The following RASEF variants were observed in gnomAD, a reference collection of about 807,000 sequenced individuals.
RASEF encodes the protein ras and EF-hand domain-containing protein.
Under a neutral mutation model 90.1 loss-of-function variants are expected in RASEF, and 68 were observed. The ratio of observed to expected loss-of-function variants is 0.75; its 90% CI spans 0.62 to 0.92. The LOEUF is 0.92. Ranked by LOEUF, RASEF falls within the 40% of genes least tolerant of loss-of-function variation. The pLI is 0.00. For missense variants in RASEF, 949 were observed against 937.2 expected (o/e 1.01, Z -0.16); for synonymous variants, 331 against 345.2 (o/e 0.96, Z 0.46).
the RASEF span, among the ~76,000 whole-genome samples, chr9:83,194,086 T>C: frequency 6.6e-6 from 1 of 152,356 alleles, no homozygotes; most frequent in East Asian, 1.9e-4. Context: ...CATCTTACAC[T>C]ACCATGGGAT....
At chr9:83,082,255 C>G in the RASEF span, among the ~76,000 whole-genome samples, 2 of 152,152 alleles carry the variant, frequency 1.3e-5, no homozygotes, top group Admixed American at 1.3e-4. Context: ...AGAGAAACAG[C>G]CTCCTTCTAA....
At chr9:83,018,271 C>T (rs1829380054) in intron 3 of RASEF, among the ~76,000 whole-genome samples, 1 of 152,116 alleles carries the variant, frequency 6.6e-6, no homozygotes, top group African/African-American at 2.4e-5. Flanking sequence ...ACAATGTAAG[C>T]AATGCTACAG....
chr9:83,172,771 C>T, the RASEF span, among the ~76,000 whole-genome samples: 1 of 151,822 alleles, frequency 6.6e-6, no homozygotes, highest in Admixed American at 6.6e-5. Flanking sequence ...AGTTTTCATG[C>T]TAAAGATAGC....
chr9:83,207,183 T>C, the RASEF span, among the ~76,000 whole-genome samples: 1 of 152,034 alleles, frequency 6.6e-6, no homozygotes. Context: ...GACATTCTGC[T>C]CCAAGAGAGT....
chr9:83,156,700 G>T, the RASEF span, among the ~76,000 whole-genome samples: 2 of 152,194 alleles, frequency 1.3e-5, no homozygotes, highest in East Asian at 1.9e-4. Flanking sequence ...TTCCTGGCTT[G>T]CACAGAACAA....
intron 1 of RASEF, among the ~76,000 whole-genome samples, chr9:83,047,466 C>A (rs1829954640): frequency 6.6e-6 from 1 of 152,110 alleles, no homozygotes; most frequent in Non-Finnish European, 1.5e-5. Context: ...TTTTTTATTA[C>A]AAATCATTTC....
the RASEF span, among the ~76,000 whole-genome samples, chr9:83,152,591 T>G: frequency 6.6e-6 from 1 of 152,222 alleles, no homozygotes; most frequent in Admixed American, 6.5e-5. Flanking sequence ...AAATGTTGTA[T>G]GGGGGTTTTC....
At chr9:83,015,758 C>T in intron 4 of RASEF, 47 bp downstream of exon 4, 2 of 1,353,218 alleles carry the variant, frequency 1.5e-6, no homozygotes, top group Non-Finnish European at 2.1e-6. Flanking sequence ...CTTAGATACC[C>T]TGAGATGCTG....
At chr9:83,165,154 G>A in the RASEF span, among the ~76,000 whole-genome samples, 1 of 152,012 alleles carries the variant, frequency 6.6e-6, no homozygotes, top group Admixed American at 6.6e-5. Context: ...CAATTGACTG[G>A]ATATAATGGA....
chr9:83,153,164 C>A, the RASEF span, among the ~76,000 whole-genome samples: 1 of 152,192 alleles, frequency 6.6e-6, no homozygotes, highest in South Asian at 2.1e-4. Flanking sequence ...CTGGTCCCAT[C>A]GATTCTTTCT....
intron 1 of RASEF, among the ~76,000 whole-genome samples, chr9:83,029,703 G>A (rs977089406): frequency 6.6e-5 from 10 of 151,820 alleles, no homozygotes; most frequent in Non-Finnish European, 1.2e-4. Context: ...GTGCCAACAC[G>A]CCTGGCCCCA....
chr9:82,984,263 C>T (rs1156424061), intron 16 of RASEF, among the ~76,000 whole-genome samples: 1 of 152,146 alleles, frequency 6.6e-6, no homozygotes, highest in African/African-American at 2.4e-5. Flanking sequence ...TCAATAAAAA[C>T]ACTATTAATG....
chr9:83,091,499 G>A, the RASEF span, among the ~76,000 whole-genome samples: 7 of 152,200 alleles, frequency 4.6e-5, no homozygotes, highest in African/African-American at 1.7e-4. Context: ...AGATTGCAGT[G>A]AGCCAAGATT....
At chr9:82,983,493 A>G (rs993214384) in intron 16 of RASEF, among the ~76,000 whole-genome samples, 1 of 152,110 alleles carries the variant, frequency 6.6e-6, no homozygotes, top group Admixed American at 6.5e-5. Context: ...CTTGTGAAAT[A>G]TGAAGACCAG....
At chr9:83,122,234 C>T in the RASEF span, among the ~76,000 whole-genome samples, 1 of 152,134 alleles carries the variant, frequency 6.6e-6, no homozygotes, top group Non-Finnish European at 1.5e-5. Flanking sequence ...AGGACCTTGT[C>T]CCCCATGAGC....
the RASEF span, among the ~76,000 whole-genome samples, chr9:83,081,219 C>T: frequency 2.0e-5 from 3 of 152,130 alleles, no homozygotes; most frequent in African/African-American, 7.2e-5. Flanking sequence ...CCTCCAAAGT[C>T]CACATTCCAA....
intron 1 of RASEF, among the ~76,000 whole-genome samples, chr9:83,062,114 C>T (rs914855039): frequency 6.6e-6 from 1 of 152,202 alleles, no homozygotes; most frequent in Non-Finnish European, 1.5e-5. Context: ...AACCAGGACG[C>T]GGTGAGATGT....
intron 1 of RASEF, among the ~76,000 whole-genome samples, chr9:83,046,253 G>C (rs1829927729): frequency 6.6e-6 from 1 of 151,932 alleles, no homozygotes; most frequent in African/African-American, 2.4e-5. Flanking sequence ...CTGAACTACT[G>C]TATTTCTATG....
intron 7 of RASEF, among the ~76,000 whole-genome samples, chr9:83,007,073 G>A (rs572691304): frequency 1.2e-3 from 153 of 132,222 alleles, no homozygotes; most frequent in Non-Finnish European, 1.6e-3. Context: ...CAGCCTGGGT[G>A]ACAGGGCAAG....
Sources: gnomAD v4.1 joint callset for allele counts (sites outside exome capture counted in the v4.1 genomes callset) on GRCh38, gnomAD v4.1.1 for gene constraint, MANE v1.5 for transcripts, NCBI Gene and HGNC (gene_info 2026-07-23, HGNC 2026-07-21) for gene names.